MIDEAS: variants seen among roughly 807,000 people sequenced by gnomAD.
MIDEAS encodes mitotic deacetylase associated SANT domain protein.
MIDEAS carries 26 observed loss-of-function variants against 102.7 expected under a neutral mutation model. The ratio of observed to expected loss-of-function variants is 0.25; its 90% CI spans 0.19 to 0.35. MIDEAS has a LOEUF of 0.35. Among genes scored for constraint, MIDEAS ranks in the 10% least tolerant of loss-of-function variants. The pLI is 1.00. For synonymous variants in MIDEAS, 585 were observed against 591.0 expected, an observed-to-expected ratio of 0.99 and a Z score of 0.15; for missense variants, 1,231 against 1,435.6, an observed-to-expected ratio of 0.86 and a Z score of 2.30.
intron 3 of MIDEAS, 119 bp downstream of exon 3, chr14:73,736,879 A>G: frequency 9.6e-7 from 1 of 1,042,408 alleles, no homozygotes; most frequent in Non-Finnish European, 1.4e-6. Flanking sequence ...AAATAAAAAT[A>G]GTATCTCCAC....
At chr14:73,762,644 C>T (rs1294376312), upstream of MIDEAS, among the ~76,000 whole-genome samples, 1 of 152,154 alleles carries the variant, frequency 6.6e-6, no homozygotes, top group African/African-American at 2.4e-5. Flanking sequence ...GCAGATATGA[C>T]GGTGCAGAAT....
intron 2 of MIDEAS, among the ~76,000 whole-genome samples, chr14:73,737,498 C>T (rs2053218075): frequency 6.6e-6 from 1 of 152,110 alleles, no homozygotes; most frequent in Non-Finnish European, 1.5e-5. Context: ...TGGTGGCAAA[C>T]TCCTGTGGTC....
At chr14:73,774,273 C>G (rs62006090) in intron 1 of MIDEAS, among the ~76,000 whole-genome samples, 20,683 of 151,722 alleles carry the variant, frequency 0.14, 2,850 homozygotes, top group East Asian at 0.7. Context: ...CAAACGGAGA[C>G]TGCAATCCCT....
intron 1 of MIDEAS, among the ~76,000 whole-genome samples, chr14:73,746,772 C>T (rs2053357541): frequency 6.6e-6 from 1 of 152,190 alleles, no homozygotes; most frequent in African/African-American, 2.4e-5. Context: ...GCCCTGCCCA[C>T]TCCCCCACCA....
intron 1 of MIDEAS, among the ~76,000 whole-genome samples, chr14:73,749,030 G>A (rs974044429): frequency 6.6e-6 from 1 of 152,026 alleles, no homozygotes; most frequent in African/African-American, 2.4e-5. Flanking sequence ...ATACACATGA[G>A]AGAGAGAAAA....
At position 73,729,953 on chromosome 14, in the gene MIDEAS, C is replaced by T; in HGVS notation, c.1782G>A (p.Glu594=). Residue 594 remains glutamate, a synonymous_variant, in exon 4 of 13, where the codon GAG becomes GAA. Transcript: ENST00000423556. ...GCTGCTTTGGTTTCCGCACGGAAGG[C>T]TCCCCCTCCAACTTGACATTCATGT... ...AEDMNVKLEG[E]PSVRKPKQRP... is the part of the protein sequence containing the mutation. 6.2e-7 allele frequency: 1 copy of T among 1,600,364 alleles called. No homozygotes were observed. The highest frequency in any genetic ancestry group is 8.5e-7 in the Non-Finnish European group (1 of 1,170,468).
At chr14:73,788,275 G>A (rs1328673749), upstream of MIDEAS, among the ~76,000 whole-genome samples, 3 of 152,174 alleles carry the variant, frequency 2.0e-5, no homozygotes, top group African/African-American at 7.2e-5. Context: ...AAAAGCATCA[G>A]TTAGGGCTCA....
In MIDEAS at chr14:73,739,829, C is replaced by A. The variant is rs1481738517; in HGVS notation, c.180G>T (p.Gln60His). The stretch of plus-strand genomic sequence containing the variant: ...TGCTAGGAGGGGGCAGTTCCACAGG[C>A]TGAGAGGTGGAGACTGCCCCTCCTG... Reference protein sequence around the residue: ...EGPGGAVSTSQPVELPPPSSL... With the variant: ...EGPGGAVSTSHPVELPPPSSL... The change falls in exon 2 of 13, where the codon CAG becomes CAT. Residue 60 changes from glutamine to histidine, a missense_variant. Transcript: ENST00000423556. 1 of 1,610,388 alleles carries A rather than the reference C, an allele frequency of 6.2e-7. No individual in the cohort carries two copies. The highest frequency in any genetic ancestry group is 1.1e-5 in the South Asian group (1 of 90,818).
chr14:73,719,462 C>G lies in MIDEAS; in HGVS notation c.2977G>C (p.Ala993Pro). 6.2e-7 allele frequency: 1 copy of G among 1,613,996 alleles called. No individual in the cohort carries two copies. Among genetic ancestry groups the G allele is most frequent in the Non-Finnish European group, 8.5e-7 (1 of 1,179,988 alleles). ...GCCTGGCCACCGGCAGACCCAGGGG[C>G]GTTGGACTCGTGGCTCCGGAGGATG... ...ILILRSHESN[A>P]PGSAGGQASE... The change falls in exon 12 of 13, where the codon GCC becomes CCC. Residue 993 changes from alanine to proline, a missense_variant. Ala to Pro is a conservative substitution (Grantham distance 27). This residue lies in a region of MIDEAS where 391 missense variants were observed against 483.0 expected (regional missense o/e 0.81). Coordinates refer to ENST00000423556, the MANE Select transcript of MIDEAS (RefSeq NM_001367710.1).
chr14:73,789,303 G>T (rs1030702957), upstream of MIDEAS, among the ~76,000 whole-genome samples: 1 of 152,156 alleles, frequency 6.6e-6, no homozygotes, highest in Non-Finnish European at 1.5e-5. Context: ...TCACTGTGGG[G>T]GAAGCCAACT....
intron 1 of MIDEAS, among the ~76,000 whole-genome samples, chr14:73,756,070 C>G (rs1042988882): frequency 1.3e-5 from 2 of 152,156 alleles, no homozygotes; most frequent in East Asian, 3.8e-4. Context: ...CTCAGGTCTG[C>G]CCAGGCCTCA....
intron 1 of MIDEAS, among the ~76,000 whole-genome samples, chr14:73,766,031 G>A (rs1203357411): frequency 2.0e-5 from 3 of 152,060 alleles, no homozygotes; most frequent in East Asian, 1.9e-4. Context: ...CTTCTTCCCC[G>A]GCTCTACCCT....
Position 73,738,846 on chromosome 14 carries a change from C to T in MIDEAS, c.1163G>A (p.Gly388Asp). The T allele has an allele frequency of 6.4e-7, 1 of 1,571,096 alleles. No homozygotes were observed. Among genetic ancestry groups the T allele is most frequent in the South Asian group, 1.2e-5 (1 of 84,502 alleles). ...TTCAGGATGGGGCTGCCCCAGGGAG[C>T]CAGGTGGCGGCTGCTGCAGGGGCCA... ...HHWPLQQPPP[G>D]SLGQPHPEAL... The change falls in exon 2 of 13, where the codon GGC (glycine) becomes GAC (aspartate). Residue 388 changes from glycine to aspartate, a missense_variant. By Grantham distance (94) the Gly-to-Asp change is moderately conservative. Around this residue, in one of 5 missense-constraint regions of MIDEAS, gnomAD observed 758 missense variants for 856.0 expected, o/e 0.89. Coordinates refer to ENST00000423556, the MANE Select transcript of MIDEAS (RefSeq NM_001367710.1).
chr14:73,726,451 C>T (rs77749943), intron 7 of MIDEAS, among the ~76,000 whole-genome samples, 153 bp downstream of exon 7: 2,139 of 152,350 alleles, frequency 0.014, 52 homozygotes, highest in African/African-American at 0.049. Flanking sequence ...AACTAGGGCT[C>T]CCTTGGGTCA....
chr14:73,783,423 T>G (rs13379043), intron 1 of MIDEAS, among the ~76,000 whole-genome samples: 1 of 151,938 alleles, frequency 6.6e-6, no homozygotes, highest in Non-Finnish European at 1.5e-5. Context: ...ACACACAGAG[T>G]GGGTCACCGG....
chr14:73,744,053 G>GAA (rs773621965), intron 1 of MIDEAS, among the ~76,000 whole-genome samples: 3,688 of 136,866 alleles, frequency 0.027, 120 homozygotes, highest in African/African-American at 0.1. Flanking sequence ...TGTGCACCAG[G>GAA]AAAAAAAAAT....
At position 73,742,990 on chromosome 14, in the gene MIDEAS, C is replaced by T. The variant is rs1175666615; in HGVS notation, c.-247-2735G>A. Among the ~76,000 whole-genome samples, 1 of 152,116 alleles carries T rather than the reference C, an allele frequency of 6.6e-6. No homozygotes were observed. The highest frequency in any genetic ancestry group is 1.5e-5 in the Non-Finnish European group (1 of 68,038). On this transcript the variant is annotated intron_variant, in intron 1 of 12. Transcript: ENST00000423556. The surrounding 1 kb of genome is among the most constrained non-coding windows in gnomAD (Gnocchi z 4.4). ...TATAAGGCAGGAGTTGCGATTTTAA[C>T]CTCTATTTACAGGTTAGCTAGATGA...
intron 1 of MIDEAS, among the ~76,000 whole-genome samples, chr14:73,768,177 A>C (rs900354812): frequency 6.6e-6 from 1 of 152,182 alleles, no homozygotes; most frequent in Non-Finnish European, 1.5e-5. Context: ...AAAAAAATTA[A>C]AAAATAAAAA....
In MIDEAS at chr14:73,740,066, G is replaced by C. The variant is rs1380035157; in HGVS notation, c.-58C>G. 2 of 1,419,216 alleles carry C rather than the reference G, an allele frequency of 1.4e-6. No individual in the cohort carries two copies. Among genetic ancestry groups the C allele is most frequent in the Non-Finnish European group, 9.2e-7 (1 of 1,085,360 alleles). 87.9% of individuals were successfully genotyped at this position (1,419,216 alleles called of 1,614,324 possible). On this transcript the variant is annotated 5_prime_UTR_variant, in exon 2 of 13. Transcript: ENST00000423556. ...CCCTTCAACAGTCGCCCATCCCCTGGGGAAACGTCCTGCTGGAAGCCGGGC... is the reference window on the plus strand; with the variant it reads ...CCCTTCAACAGTCGCCCATCCCCTGCGGAAACGTCCTGCTGGAAGCCGGGC...
Sources: gnomAD v4.1 joint callset for allele counts (sites outside exome capture counted in the v4.1 genomes callset) on GRCh38, gnomAD v4.1.1 for gene constraint, gnomAD v4.1.1 regional missense constraint, Gnocchi (gnomAD v3.1) non-coding constraint, MANE v1.5 for transcripts, NCBI Gene and HGNC (gene_info 2026-07-23, HGNC 2026-07-21) for gene names.